The following NDUFA5 variants were observed in gnomAD, a reference collection of about 807,000 sequenced individuals.
NDUFA5 encodes NADH dehydrogenase [ubiquinone] 1 alpha subcomplex subunit 5.
Under a neutral mutation model 19.8 loss-of-function variants are expected in NDUFA5, and 11 were observed. That is an observed-to-expected ratio of 0.56 (90% CI 0.35 to 0.92). NDUFA5 has a LOEUF of 0.92. Ranked by LOEUF, NDUFA5 falls within the 40% of genes least tolerant of loss-of-function variation. The pLI is 0.01. For synonymous variants in NDUFA5, 47 were observed against 46.8 expected (o/e 1.00, Z -0.01); for missense variants, 109 against 134.2 (o/e 0.81, Z 0.93).
At chr7:123,592,214 GTCTA>G in the NDUFA5 span, among the ~76,000 whole-genome samples, 2 of 152,028 alleles carry the variant, frequency 1.3e-5, no homozygotes, top group Admixed American at 6.6e-5. Context: ...CTTGCTAGCT[GTCTA>G]TCTATTTTGT....
At chr7:123,585,282 T>G in the NDUFA5 span, among the ~76,000 whole-genome samples, 1 of 151,680 alleles carries the variant, frequency 6.6e-6, no homozygotes. Context: ...AATAAACTGT[T>G]TAACTGTTAA....
the NDUFA5 span, among the ~76,000 whole-genome samples, chr7:123,595,508 A>G: frequency 6.6e-6 from 1 of 152,156 alleles, no homozygotes; most frequent in African/African-American, 2.4e-5. Context: ...TTCAATGACC[A>G]ACTATCGTCA....
intron 2 of NDUFA5, among the ~76,000 whole-genome samples, chr7:123,551,214 T>TC (rs1302901988): frequency 6.6e-6 from 1 of 150,818 alleles, no homozygotes; most frequent in Non-Finnish European, 1.5e-5. Context: ...TTTCTTTCTT[T>TC]TTTTTTTTTT....
upstream of NDUFA5, among the ~76,000 whole-genome samples, chr7:123,561,610 T>G (rs925445665): frequency 2.2e-5 from 1 of 45,378 alleles, no homozygotes; most frequent in African/African-American, 1.1e-4. Flanking sequence ...GAATCACCAA[T>G]TTTTTTTTTG....
chr7:123,599,798 C>T, the NDUFA5 span, among the ~76,000 whole-genome samples: 1 of 152,160 alleles, frequency 6.6e-6, no homozygotes, highest in Admixed American at 6.6e-5. Context: ...ATTTGGATGT[C>T]AGTGTCATTT....
chr7:123,583,639 G>A, the NDUFA5 span, among the ~76,000 whole-genome samples: 9 of 151,978 alleles, frequency 5.9e-5, no homozygotes, highest in South Asian at 2.1e-4. Flanking sequence ...CAAAATGAGC[G>A]AAGAAAGATT....
At chr7:123,577,857 G>GA in the NDUFA5 span, among the ~76,000 whole-genome samples, 1 of 151,952 alleles carries the variant, frequency 6.6e-6, no homozygotes, top group African/African-American at 2.4e-5. Context: ...TGTTCCTTTT[G>GA]AAAAAATATC....
chr7:123,573,288 C>CTTTTTTTTTTTTTT, the NDUFA5 span, among the ~76,000 whole-genome samples: 1 of 117,912 alleles, frequency 8.5e-6, no homozygotes, highest in African/African-American at 3.2e-5. Context: ...TCTGGATTTG[C>CTTTTTTTTTTTTTT]TTTTTTTTTT....
chr7:123,550,279 A>G (rs1313015872), intron 3 of NDUFA5, 191 bp downstream of exon 3: 1 of 503,846 alleles, frequency 2.0e-6, no homozygotes, highest in Non-Finnish European at 3.5e-6. Context: ...AAACTCCAGT[A>G]TGTAACAGAG....
the NDUFA5 span, among the ~76,000 whole-genome samples, chr7:123,600,012 A>C: frequency 6.6e-5 from 10 of 152,204 alleles, no homozygotes; most frequent in Non-Finnish European, 1.3e-4. Flanking sequence ...AGCATTATGA[A>C]TAGATCATTC....
At chr7:123,565,304 A>C in the NDUFA5 span, among the ~76,000 whole-genome samples, 1 of 151,912 alleles carries the variant, frequency 6.6e-6, no homozygotes, top group Admixed American at 6.6e-5. Flanking sequence ...TTATTCTATA[A>C]ATTCAAATGC....
chr7:123,564,339 T>C, the NDUFA5 span, among the ~76,000 whole-genome samples: 40 of 152,308 alleles, frequency 2.6e-4, no homozygotes, highest in Non-Finnish European at 5.9e-5. Context: ...ATAATTCTTT[T>C]AAAAAGTACT....
the NDUFA5 span, among the ~76,000 whole-genome samples, chr7:123,598,496 G>A: frequency 4.6e-5 from 7 of 151,656 alleles, no homozygotes; most frequent in East Asian, 1.9e-4. Flanking sequence ...TACTTTGTTC[G>A]CAAAAGGAAA....
chr7:123,567,142 A>G, the NDUFA5 span: 3 of 149,920 alleles, frequency 2.0e-5, no homozygotes, highest in South Asian at 4.3e-4. Flanking sequence ...TTCTGGGCCA[A>G]TCCTTTTGCA....
At chr7:123,578,599 A>G in the NDUFA5 span, among the ~76,000 whole-genome samples, 1 of 151,994 alleles carries the variant, frequency 6.6e-6, no homozygotes, top group Non-Finnish European at 1.5e-5. Flanking sequence ...CTTATTATGG[A>G]GACCTTTGCC....
the NDUFA5 span, among the ~76,000 whole-genome samples, chr7:123,592,055 C>T: frequency 1.3e-5 from 2 of 152,096 alleles, no homozygotes; most frequent in Admixed American, 6.6e-5. Context: ...GGAATTTATC[C>T]ATTTCTTCTA....
upstream of NDUFA5, among the ~76,000 whole-genome samples, chr7:123,558,875 G>A (rs1391341996): frequency 1.3e-5 from 2 of 152,148 alleles, no homozygotes; most frequent in Non-Finnish European, 2.9e-5. Flanking sequence ...TTAGGCAACA[G>A]TTGAAGAGAA....
intron 2 of NDUFA5, chr7:123,554,976 C>G (rs1937442202): frequency 6.6e-6 from 1 of 152,294 alleles, no homozygotes; most frequent in Admixed American, 6.5e-5. Flanking sequence ...GCCAGCACGT[C>G]CAGCCTGCTT....
the NDUFA5 span, among the ~76,000 whole-genome samples, chr7:123,583,285 A>G: frequency 1.3e-5 from 2 of 152,006 alleles, no homozygotes; most frequent in African/African-American, 4.8e-5. Flanking sequence ...AAAACTGAAC[A>G]GGAAATCAGA....
Sources: gnomAD v4.1 joint callset for allele counts (sites outside exome capture counted in the v4.1 genomes callset) on GRCh38, gnomAD v4.1.1 for gene constraint, MANE v1.5 for transcripts, NCBI Gene and HGNC (gene_info 2026-07-23, HGNC 2026-07-21) for gene names.